The following DNAI2 variants were observed in gnomAD, a reference collection of about 807,000 sequenced individuals.
DNAI2 encodes the protein dynein, axonemal, intermediate polypeptide 2.
DNAI2 carries 63 observed loss-of-function variants against 74.7 expected under a neutral mutation model. The ratio of observed to expected loss-of-function variants is 0.84; its 90% CI spans 0.69 to 1.04. The LOEUF (loss-of-function observed/expected upper bound fraction) is 1.04, where lower values mean the gene tolerates loss of function less well. Ranked by LOEUF, DNAI2 falls within the 50% of genes least tolerant of loss-of-function variation. DNAI2 has a pLI of 0.00. For missense variants in DNAI2, 688 were observed against 803.2 expected, an observed-to-expected ratio of 0.86 and a Z score of 1.73; for synonymous variants, 289 against 314.9, an observed-to-expected ratio of 0.92 and a Z score of 0.87.
In DNAI2 at chr17:74,310,003, G is replaced by C; in HGVS notation, c.1348-14G>C. 6.2e-7 allele frequency: 1 copy of C among 1,613,634 alleles called. No homozygotes were observed. Among genetic ancestry groups the C allele is most frequent in the Non-Finnish European group, 8.5e-7 (1 of 1,180,002 alleles). On this transcript the variant is annotated splice_polypyrimidine_tract_variant and intron_variant, in intron 10 of 13. Coordinates refer to ENST00000311014, the MANE Select transcript of DNAI2 (RefSeq NM_023036.6). ...CTCTCTCCTCTACCTGGGTCTGCCC[G>C]GCCCCTTCAATAGGTGTGTGACGAG...
chr17:74,311,248 A>G (rs906834234), intron 11 of DNAI2, among the ~76,000 whole-genome samples: 3 of 152,204 alleles, frequency 2.0e-5, no homozygotes, highest in African/African-American at 7.2e-5. Context: ...ATCCATTCCT[A>G]CATCCTTTCC....
At chr17:74,289,132 G>A (rs1303593945) in intron 4 of DNAI2, among the ~76,000 whole-genome samples, 1 of 152,230 alleles carries the variant, frequency 6.6e-6, no homozygotes, top group Non-Finnish European at 1.5e-5. Flanking sequence ...GGGTGTGCAG[G>A]AGAGGGCATG....
chr17:74,294,016 C>T (rs1299703592), intron 6 of DNAI2, among the ~76,000 whole-genome samples: 2 of 152,062 alleles, frequency 1.3e-5, no homozygotes, highest in South Asian at 2.1e-4. Flanking sequence ...CTCCTGGCCT[C>T]AAGCGATATG....
At chr17:74,306,764 C>T (rs1210062485) in intron 9 of DNAI2, among the ~76,000 whole-genome samples, 3 of 152,208 alleles carry the variant, frequency 2.0e-5, no homozygotes, top group Non-Finnish European at 4.4e-5. Flanking sequence ...ATTACAGGCG[C>T]ACGCCAGCAC....
Position 74,309,282 on chromosome 17 carries a change from C to G in DNAI2, c.1241C>G (p.Ala414Gly). Reference protein sequence around the residue: ...KYHMAYLTDAAWSPVRPTVFF... With the variant: ...KYHMAYLTDAGWSPVRPTVFF... ...CACATGGCTTACCTCACTGATGCTG[C>G]CTGGAGCCCCGTGAGGCCGACCGTT... The change falls in exon 10 of 14, where the codon GCC (alanine) becomes GGC (glycine). Residue 414 changes from alanine to glycine, a missense_variant. Physicochemically the swap from Ala to Gly is moderately conservative, Grantham distance 60 (BLOSUM62 0). Transcript: ENST00000311014. 6.2e-7 allele frequency: 1 copy of G among 1,614,038 alleles called. No individual in the cohort carries two copies.
chr17:74,298,747 G>A (rs1168562761), intron 6 of DNAI2, among the ~76,000 whole-genome samples: 1 of 151,884 alleles, frequency 6.6e-6, no homozygotes. Context: ...GCAGCCTCCC[G>A]AGTAACAGCC....
chr17:74,313,934 T>A, intron 12 of DNAI2, 187 bp from the exon 13 acceptor site: 1 of 813,420 alleles, frequency 1.2e-6, no homozygotes, highest in Non-Finnish European at 1.9e-6. Context: ...TTCCCCCAGC[T>A]CTGCCCACTT....
At position 74,314,873 on chromosome 17, in the gene DNAI2, G is replaced by C. The variant is rs554321573; in HGVS notation, c.*340G>C. ...TAATTCTTGTAAAATTAAATGAATC[G>C]TAACAATGCCACGAGTTAGTACGTG... is the stretch of plus-strand genomic sequence containing the variant. On this transcript the variant is annotated 3_prime_UTR_variant, in exon 14 of 14. Transcript: ENST00000311014. The C allele has an allele frequency of 6.0e-6, 1 of 166,974 alleles. No homozygotes were observed. The highest frequency in any genetic ancestry group is 1.3e-5 in the Non-Finnish European group (1 of 74,988). 10.3% of individuals were successfully genotyped at this position (166,974 alleles called of 1,614,324 possible).
intron 9 of DNAI2, among the ~76,000 whole-genome samples, chr17:74,307,739 G>T (rs972889175): frequency 6.6e-6 from 1 of 150,676 alleles, no homozygotes; most frequent in Non-Finnish European, 1.5e-5. Context: ...GTATAAGTAT[G>T]TCCCATGCAA....
Position 74,305,076 on chromosome 17 carries a change from G to T in DNAI2, c.988-143G>T, listed in dbSNP as rs536542287. 7 of 812,170 alleles carry T rather than the reference G, an allele frequency of 8.6e-6. No individual in the cohort carries two copies. The South Asian group carries it at 1.0e-4, about 12-fold the overall frequency. 50.3% of individuals were successfully genotyped at this position (812,170 alleles called of 1,614,324 possible). A position where few individuals can be genotyped will look rare whatever the true frequency, so the allele number is the denominator to read the frequency against. ...GGGAAGAGTGGGGACTGCTCTCCAG[G>T]AGGGGCCACAGCCCTTGCCAAGGCT... On this transcript the variant is annotated intron_variant, in intron 8 of 13. Coordinates refer to ENST00000311014, the MANE Select transcript of DNAI2 (RefSeq NM_023036.6).
At chr17:74,283,199 A>T (rs2051492441) in intron 2 of DNAI2, among the ~76,000 whole-genome samples, 1 of 152,220 alleles carries the variant, frequency 6.6e-6, no homozygotes, top group Non-Finnish European at 1.5e-5. Flanking sequence ...AGAGTTTTGG[A>T]ACTAGGTGGG....
rs1242850890 is a variant in DNAI2 at position 74,291,147 on chromosome 17, T to C, written c.724+14T>C. 7 of 1,560,546 alleles carry C rather than the reference T, an allele frequency of 4.5e-6. No homozygotes were observed. The East Asian group carries it at 1.6e-4, about 35-fold the overall frequency. ...ATGGACAGATAGGTAAGGAGGGACC[T>C]AGGCTTTTTTATTTTTATTTTTATT... On this transcript the variant is annotated intron_variant, in intron 6 of 13. Transcript: ENST00000311014.
intron 2 of DNAI2, among the ~76,000 whole-genome samples, chr17:74,284,157 C>T (rs1439531092): frequency 5.6e-5 from 8 of 142,438 alleles, no homozygotes; most frequent in Non-Finnish European, 1.2e-4. Flanking sequence ...AAAAAAAAAG[C>T]TGTAGTGAGT....
At chr17:74,275,805 G>T (rs1011206810) in intron 1 of DNAI2, among the ~76,000 whole-genome samples, 1 of 152,002 alleles carries the variant, frequency 6.6e-6, no homozygotes, top group Non-Finnish European at 1.5e-5. Context: ...CACAAGAATC[G>T]CTTGAACTTG....
At chr17:74,305,124 C>T in intron 8 of DNAI2, 95 bp from the exon 9 acceptor site, 3 of 1,318,722 alleles carry the variant, frequency 2.3e-6, no homozygotes, top group Non-Finnish European at 3.2e-6. Context: ...CTTTCTAGCG[C>T]CTGCAGACCC....
At chr17:74,303,374 C>T (rs922507607) in intron 8 of DNAI2, among the ~76,000 whole-genome samples, 3 of 152,108 alleles carry the variant, frequency 2.0e-5, no homozygotes, top group Non-Finnish European at 4.4e-5. Flanking sequence ...GGCTTGAATA[C>T]TTTCTTCTCT....
rs149537497 is a variant in DNAI2 at position 74,302,499 on chromosome 17, G to A, written c.987+1331G>A. Among the ~76,000 whole-genome samples the A allele has an allele frequency of 1.6e-3, 247 of 152,276 alleles. 2 individuals are homozygous for A. The highest frequency in any genetic ancestry group is 5.5e-3 in the African/African-American group (229 of 41,542). ...GGAGAATTGCTTGAACCTGGGAGGC[G>A]GGGGTTGCGGTGAGCCAAGATCGCA... On this transcript the variant is annotated intron_variant, in intron 8 of 13. Coordinates refer to ENST00000311014, the MANE Select transcript of DNAI2 (RefSeq NM_023036.6).
chr17:74,274,728 C>A (rs2050959093), intron 1 of DNAI2, among the ~76,000 whole-genome samples: 1 of 152,056 alleles, frequency 6.6e-6, no homozygotes, highest in Non-Finnish European at 1.5e-5. Flanking sequence ...GAAGATGGGC[C>A]CTTTAAGAGG....
At chr17:74,288,716 G>A (rs1378638218) in intron 4 of DNAI2, among the ~76,000 whole-genome samples, 2 of 152,154 alleles carry the variant, frequency 1.3e-5, no homozygotes, top group African/African-American at 2.4e-5. Flanking sequence ...AGGACTCCTC[G>A]GCCTTGAAGT....
Sources: allele counts gnomAD v4.1 joint callset (sites outside exome capture counted in the v4.1 genomes callset), GRCh38; gene constraint gnomAD v4.1.1; transcripts MANE v1.5; gene names NCBI Gene and HGNC (gene_info 2026-07-23, HGNC 2026-07-21).